The following ZBTB46 variants were observed in gnomAD, a reference collection of about 807,000 sequenced individuals.
ZBTB46 encodes zinc finger and BTB domain containing 46.
ZBTB46 carries 8 observed loss-of-function variants against 44.1 expected under a neutral mutation model. The observed-to-expected ratio is 0.18, with a 90% CI of 0.11 to 0.33. The LOEUF is 0.33. Among genes scored for constraint, ZBTB46 ranks in the 10% least tolerant of loss-of-function variants. The pLI is 1.00. For missense variants in ZBTB46, 651 were observed against 847.7 expected, an observed-to-expected ratio of 0.77 and a Z score of 2.88; for synonymous variants, 409 against 382.3, an observed-to-expected ratio of 1.07 and a Z score of -0.81.
At chr20:63,830,427 G>A (rs1241151726) in intron 1 of ZBTB46, among the ~76,000 whole-genome samples, 1 of 149,554 alleles carries the variant, frequency 6.7e-6, no homozygotes, top group Non-Finnish European at 1.5e-5. Context: ...TCCGCGCCCC[G>A]AGCCGCCCCG....
At position 63,762,450 on chromosome 20, in the gene ZBTB46, G is replaced by A. The variant is rs779511845; in HGVS notation, c.1223-9589C>T. Among the ~76,000 whole-genome samples the A allele has an allele frequency of 7.9e-5, 12 of 152,062 alleles. 1 individual carries two copies. The highest frequency in any genetic ancestry group is 6.6e-5 in the Admixed American group (1 of 15,252). The stretch of plus-strand genomic sequence containing the variant: ...GGGTGGATCACGAGGTCAGGAGATC[G>A]AGACCATCTTGGCCAACATGGTGAA... On this transcript the variant is annotated intron_variant, in intron 3 of 4. Coordinates refer to ENST00000245663, the MANE Select transcript of ZBTB46 (RefSeq NM_001369741.1).
rs553165536 is a variant in ZBTB46 at position 63,787,977 on chromosome 20, A to G, written c.937+1844T>C. ...GCCACCCACACACGGCATCTGCGAC[A>G]TTTTTCAGGGCCTCCCACCCTGCGG... On this transcript the variant is annotated intron_variant, in intron 2 of 4. Transcript: ENST00000245663. This position sits in a 1 kb window ranked among gnomAD's most constrained non-coding sequence, Gnocchi z 4.6. The G allele has an allele frequency of 2.0e-5, 3 of 152,074 alleles. No individual in the cohort carries two copies. Among genetic ancestry groups the G allele is most frequent in the Non-Finnish European group, 4.4e-5 (3 of 68,036 alleles). The allele number at this position is 152,074 out of a possible 1,614,324, so 9.4% of individuals were successfully genotyped here. A position where few individuals can be genotyped will look rare whatever the true frequency, so the allele number is the denominator to read the frequency against.
chr20:63,822,351 T>C (rs1007104336), intron 1 of ZBTB46, among the ~76,000 whole-genome samples: 1 of 152,178 alleles, frequency 6.6e-6, no homozygotes, highest in African/African-American at 2.4e-5. Flanking sequence ...CACTTTTGTA[T>C]GTGACACGGG....
chr20:63,754,605 CT>C (rs869213375), intron 3 of ZBTB46, among the ~76,000 whole-genome samples: 247 of 141,440 alleles, frequency 1.7e-3, no homozygotes, highest in Non-Finnish European at 1.9e-3. Context: ...CCCAAAACAA[CT>C]TTTTTTTTTT....
chr20:63,752,566 C>G lies in ZBTB46; in HGVS notation c.1398+120G>C. On this transcript the variant is annotated intron_variant, in intron 4 of 4. Transcript: ENST00000245663. This position sits in a 1 kb window ranked among gnomAD's most constrained non-coding sequence, Gnocchi z 5.6. ...GGATCTCCCTGCCCTGCTGTCGTCC[C>G]CCCTGTGCAGAGTGGACCCGGTGTG... 8.1e-7 allele frequency: 1 copy of G among 1,236,242 alleles called. No individual in the cohort carries two copies. The highest frequency in any genetic ancestry group is 1.1e-6 in the Non-Finnish European group (1 of 943,276). The allele number at this position is 1,236,242 out of a possible 1,614,324, so 76.6% of individuals were successfully genotyped here.
intron 3 of ZBTB46, chr20:63,768,223 G>C: frequency 1.0e-5 from 7 of 675,280 alleles, no homozygotes; most frequent in African/African-American, 3.9e-5. Flanking sequence ...TGAGAAATGA[G>C]AAACGACTCG....
chr20:63,832,202 C>T (rs1300738789), upstream of ZBTB46, among the ~76,000 whole-genome samples: 1 of 152,212 alleles, frequency 6.6e-6, no homozygotes, highest in Non-Finnish European at 1.5e-5. The surrounding 1 kb of genome is among the most constrained non-coding windows in gnomAD (Gnocchi z 5.0). Flanking sequence ...GGCGCCCGGA[C>T]TCTGCGCGTC....
intron 3 of ZBTB46, among the ~76,000 whole-genome samples, chr20:63,759,846 C>T (rs116654325): frequency 6.6e-5 from 10 of 152,078 alleles, no homozygotes; most frequent in African/African-American, 2.2e-4. Context: ...ATTCTTATCA[C>T]GAAGGCTACT....
rs948479619 is a variant in ZBTB46, at chr20:63,803,753, G to A, written c.-33-12963C>T. On this transcript the variant is annotated intron_variant, in intron 1 of 4. Coordinates refer to ENST00000245663, the MANE Select transcript of ZBTB46 (RefSeq NM_001369741.1). The surrounding 1 kb of genome is among the most constrained non-coding windows in gnomAD (Gnocchi z 4.0). ...AATGGGGTCTCACTCTGTCCCCCAG[G>A]CTGGAGTGCAGTGGCGCAATCTCGG... 6.6e-6 allele frequency among the ~76,000 whole-genome samples: 1 copy of A among 152,124 alleles called. No individual in the cohort carries two copies. The highest frequency in any genetic ancestry group is 1.5e-5 in the Non-Finnish European group (1 of 68,026).
chr20:63,830,905 G>A (rs1050462832), intron 1 of ZBTB46, among the ~76,000 whole-genome samples, 192 bp downstream of exon 1: 2 of 141,534 alleles, frequency 1.4e-5, no homozygotes, highest in Non-Finnish European at 1.6e-5. Context: ...CGCCCCCGGA[G>A]CCCGCGCCGC....
At chr20:63,824,501 C>T (rs1462946185) in intron 1 of ZBTB46, among the ~76,000 whole-genome samples, 2 of 152,066 alleles carry the variant, frequency 1.3e-5, no homozygotes, top group Non-Finnish European at 2.9e-5. Context: ...ACTCACTTGG[C>T]GGTTGCCACA....
At chr20:63,832,222 C>T (rs1383328031), upstream of ZBTB46, among the ~76,000 whole-genome samples, 1 of 152,222 alleles carries the variant, frequency 6.6e-6, no homozygotes, top group Non-Finnish European at 1.5e-5. The surrounding 1 kb of genome is among the most constrained non-coding windows in gnomAD (Gnocchi z 5.0). Flanking sequence ...CGCTTCTCGC[C>T]TCCGCCGTCC....
chr20:63,782,036 G>A (rs1434881791), intron 2 of ZBTB46, among the ~76,000 whole-genome samples: 2 of 145,972 alleles, frequency 1.4e-5, no homozygotes, highest in Non-Finnish European at 3.0e-5. Context: ...GCAGTGAGCC[G>A]AGATGGCGCC....
chr20:63,784,064 A>T (rs2092492390), intron 2 of ZBTB46, among the ~76,000 whole-genome samples: 1 of 152,170 alleles, frequency 6.6e-6, no homozygotes, highest in South Asian at 2.1e-4. Context: ...GACGGCTGAG[A>T]CCGTGGTGGG....
At chr20:63,798,685 A>AAAAAAAAAAACAAAAAAC (rs1417351365) in intron 1 of ZBTB46, among the ~76,000 whole-genome samples, 3 of 127,888 alleles carry the variant, frequency 2.3e-5, no homozygotes, top group African/African-American at 9.6e-5. Flanking sequence ...AAAAAAAAAA[A>AAAAAAAAAAACAAAAAAC]AAAAAAAATT....
At chr20:63,761,573 G>A (rs187179124) in intron 3 of ZBTB46, among the ~76,000 whole-genome samples, 2 of 152,194 alleles carry the variant, frequency 1.3e-5, no homozygotes, top group African/African-American at 2.4e-5. Flanking sequence ...CACAAGGTCA[G>A]GAGTTCGAGA....
At chr20:63,779,240 A>T (rs6089993) in intron 2 of ZBTB46, among the ~76,000 whole-genome samples, 99,762 of 150,768 alleles carry the variant, frequency 0.66, 33,161 homozygotes, top group East Asian at 0.86. Context: ...TTAATTAATT[A>T]ATTTATTTAT....
chr20:63,820,663 C>T (rs188797489), intron 1 of ZBTB46, among the ~76,000 whole-genome samples: 58 of 151,902 alleles, frequency 3.8e-4, no homozygotes, highest in African/African-American at 1.3e-3. Flanking sequence ...AACTCCCGAC[C>T]TCAGGTGATC....
chr20:63,769,216 G>T, intron 3 of ZBTB46: 1 of 985,416 alleles, frequency 1.0e-6, no homozygotes, highest in Non-Finnish European at 1.2e-6. Context: ...TGGCCCAGTT[G>T]CCCCAGACAA....
Sources: gnomAD v4.1 joint callset for allele counts (sites outside exome capture counted in the v4.1 genomes callset) on GRCh38, gnomAD v4.1.1 for gene constraint, Gnocchi (gnomAD v3.1) non-coding constraint, MANE v1.5 for transcripts, NCBI Gene and HGNC (gene_info 2026-07-23, HGNC 2026-07-21) for gene names.